The following OPCML variants were observed in gnomAD, a reference collection of about 807,000 sequenced individuals.
OPCML encodes the protein opioid binding protein/cell adhesion molecule like, also known as opioid-binding protein/cell adhesion molecule.
OPCML carries 13 observed loss-of-function variants against 37.8 expected under a neutral mutation model. The observed-to-expected ratio is 0.34, with a 90% CI of 0.22 to 0.55. The LOEUF (loss-of-function observed/expected upper bound fraction) is 0.55. Ranked by LOEUF, OPCML falls within the 20% of genes least tolerant of loss-of-function variation. The pLI is 0.91. For missense variants in OPCML, 341 were observed against 435.6 expected (o/e 0.78, Z 1.93); for synonymous variants, 176 against 168.8 (o/e 1.04, Z -0.33).
intron 4 of OPCML, among the ~76,000 whole-genome samples, chr11:132,503,444 C>T (rs534638656): frequency 6.6e-6 from 1 of 152,226 alleles, no homozygotes; most frequent in South Asian, 2.1e-4. Flanking sequence ...CCCACTATTG[C>T]ATTTGGTGCT....
intron 1 of OPCML, among the ~76,000 whole-genome samples, chr11:133,356,512 T>C (rs1944294307): frequency 6.6e-6 from 1 of 152,188 alleles, no homozygotes; most frequent in African/African-American, 2.4e-5. Context: ...AGGCGCCTTG[T>C]CACCATGTGG....
At chr11:132,849,714 GAC>G (rs1369716717) in intron 2 of OPCML, among the ~76,000 whole-genome samples, 1 of 152,212 alleles carries the variant, frequency 6.6e-6, no homozygotes, top group Non-Finnish European at 1.5e-5. Flanking sequence ...GTAGAAAGCA[GAC>G]ACACAGCCCT....
At chr11:133,163,143 T>C (rs1441065254) in intron 1 of OPCML, among the ~76,000 whole-genome samples, 1 of 152,226 alleles carries the variant, frequency 6.6e-6, no homozygotes, top group African/African-American at 2.4e-5. Flanking sequence ...ATGTTTCTTG[T>C]GTTTCCGTTT....
chr11:132,506,879 T>C (rs576204430), intron 4 of OPCML, among the ~76,000 whole-genome samples: 1 of 151,882 alleles, frequency 6.6e-6, no homozygotes, highest in South Asian at 2.1e-4. Flanking sequence ...TTTTAATACC[T>C]GCAAGTGGGT....
chr11:132,820,785 G>A (rs929937928), intron 2 of OPCML, among the ~76,000 whole-genome samples: 1 of 152,174 alleles, frequency 6.6e-6, no homozygotes, highest in Admixed American at 6.5e-5. Context: ...CACAGTCTAA[G>A]AGATTTTTAA....
chr11:133,071,389 G>T (rs1948531001), intron 1 of OPCML, among the ~76,000 whole-genome samples: 1 of 152,182 alleles, frequency 6.6e-6, no homozygotes, highest in Non-Finnish European at 1.5e-5. Flanking sequence ...TCTCACAAGT[G>T]GAATGATGTA....
chr11:133,080,657 A>C (rs1275412466), intron 1 of OPCML, among the ~76,000 whole-genome samples: 1 of 151,890 alleles, frequency 6.6e-6, no homozygotes, highest in Non-Finnish European at 1.5e-5. Flanking sequence ...ACCCAAACCC[A>C]CTGTGCCCGT....
intron 1 of OPCML, among the ~76,000 whole-genome samples, chr11:133,032,555 A>C (rs4343032): frequency 0.13 from 20,447 of 152,248 alleles, 1,762 homozygotes; most frequent in Admixed American, 0.28. Flanking sequence ...AATCTGGGTA[A>C]CAAGTCTAGA....
chr11:132,658,016 C>A (rs939688622), intron 2 of OPCML, among the ~76,000 whole-genome samples: 4 of 152,190 alleles, frequency 2.6e-5, no homozygotes, highest in African/African-American at 9.6e-5. Context: ...GGGAACTGTG[C>A]AACACCTCTC....
At chr11:132,978,554 G>A (rs532456574) in intron 1 of OPCML, among the ~76,000 whole-genome samples, 272 of 152,216 alleles carry the variant, frequency 1.8e-3, no homozygotes, top group Non-Finnish European at 2.7e-3. Flanking sequence ...TGGCTACCCC[G>A]GGGGTCTGCA....
At chr11:133,366,866 G>T (rs1944551414) in intron 1 of OPCML, among the ~76,000 whole-genome samples, 1 of 152,218 alleles carries the variant, frequency 6.6e-6, no homozygotes, top group African/African-American at 2.4e-5. Flanking sequence ...CTAACACTCA[G>T]GAGGCACCAA....
At chr11:133,529,930 G>A (rs531385814) in intron 1 of OPCML, among the ~76,000 whole-genome samples, 56 of 152,286 alleles carry the variant, frequency 3.7e-4, no homozygotes, top group African/African-American at 1.3e-3. Context: ...TTCTTTCACC[G>A]ACACCTTCTA....
At chr11:132,824,102 T>C (rs1228733534) in intron 2 of OPCML, among the ~76,000 whole-genome samples, 1 of 152,176 alleles carries the variant, frequency 6.6e-6, no homozygotes, top group Non-Finnish European at 1.5e-5. Flanking sequence ...CCAGTTTAAA[T>C]CTCAGCCCTG....
At chr11:132,484,809 A>G (rs2096194012) in intron 4 of OPCML, among the ~76,000 whole-genome samples, 1 of 152,100 alleles carries the variant, frequency 6.6e-6, no homozygotes, top group African/African-American at 2.4e-5. Flanking sequence ...TCAGTAAACT[A>G]TCGCAAGAAC....
chr11:133,410,421 G>A (rs1161413868), intron 1 of OPCML, among the ~76,000 whole-genome samples: 1 of 151,980 alleles, frequency 6.6e-6, no homozygotes, highest in East Asian at 1.9e-4. Flanking sequence ...GGAGGCAGGA[G>A]GGGAAGATGC....
At chr11:133,103,061 C>T (rs1949109092) in intron 1 of OPCML, among the ~76,000 whole-genome samples, 1 of 152,148 alleles carries the variant, frequency 6.6e-6, no homozygotes, top group African/African-American at 2.4e-5. Context: ...AAAAAAGGGA[C>T]ACAATGAAAA....
At chr11:133,427,844 G>C (rs79875523) in intron 1 of OPCML, among the ~76,000 whole-genome samples, 1 of 151,978 alleles carries the variant, frequency 6.6e-6, no homozygotes, top group East Asian at 1.9e-4. Context: ...AATTTCTTAG[G>C]AGCGTATACT....
At chr11:133,181,293 C>T (rs1045306079) in intron 1 of OPCML, among the ~76,000 whole-genome samples, 5 of 138,112 alleles carry the variant, frequency 3.6e-5, no homozygotes, top group Non-Finnish European at 6.0e-5. Context: ...TGATTAGGAC[C>T]AGTGGGTTGT....
At chr11:133,069,029 T>C (rs1948483013) in intron 1 of OPCML, among the ~76,000 whole-genome samples, 1 of 152,222 alleles carries the variant, frequency 6.6e-6, no homozygotes, top group Non-Finnish European at 1.5e-5. Flanking sequence ...GGATCAGATC[T>C]AACATCTTAA....
Sources: allele counts gnomAD v4.1 joint callset (sites outside exome capture counted in the v4.1 genomes callset), GRCh38; gene constraint gnomAD v4.1.1; transcripts MANE v1.5; gene names NCBI Gene and HGNC (gene_info 2026-07-23, HGNC 2026-07-21).